MTMR11: variants seen among roughly 807,000 people sequenced by gnomAD.
The protein encoded by MTMR11 is myotubularin-related protein 11.
In MTMR11, 89 loss-of-function variants were observed where a neutral mutation model predicts 100.0. The observed-to-expected ratio is 0.89, with a 90% CI of 0.75 to 1.06. MTMR11 has a LOEUF of 1.06. Ranked by LOEUF, MTMR11 falls within the 50% of genes least tolerant of loss-of-function variation. The pLI is 0.00. For synonymous variants in MTMR11, 336 were observed against 326.3 expected (o/e 1.03, Z -0.32); for missense variants, 809 against 873.7 (o/e 0.93, Z 0.93).
rs2092617824 is a variant in MTMR11, at chr1:149,929,000, G to A, written c.*129C>T. 6.2e-7 allele frequency: 1 copy of A among 1,607,810 alleles called. No individual in the cohort carries two copies. On this transcript the variant is annotated 3_prime_UTR_variant, in exon 17 of 17. Transcript: ENST00000439741. ...TAGAAACTAAGCAAGACAAGAGTTG[G>A]AGCAGTTAACACCACTATCTGCAGC...
rs2092691302 is a variant in MTMR11 at position 149,933,850 on chromosome 1, C to T, written c.771+5G>A. ...CACAGCCATTACCCTAACCATCACA[C>T]TGACCGGTCCACGGCCCTGATGAAA... is the stretch of plus-strand genomic sequence containing the variant. On this transcript the variant is annotated splice_donor_5th_base_variant and intron_variant, in intron 8 of 16. Coordinates refer to ENST00000439741, the MANE Select transcript of MTMR11 (RefSeq NM_001145862.2). 1.2e-6 allele frequency: 2 copies of T among 1,613,974 alleles called. No individual in the cohort carries two copies. The highest frequency in any genetic ancestry group is 1.7e-6 in the Non-Finnish European group (2 of 1,179,806).
chr1:149,930,113 G>T, intron 15 of MTMR11, 197 bp from the exon 16 acceptor site: 1 of 709,284 alleles, frequency 1.4e-6, no homozygotes, highest in Non-Finnish European at 2.3e-6. Context: ...GTTGATTTTA[G>T]GGCACCTTAT....
Position 149,936,699 on chromosome 1 carries a change from A to T in MTMR11, c.-52T>A. ...CAGTTAAGGGTGGGAAACCTCAAGGATGCTCACCCACCTCGGGGAGAGGCT... is the reference window on the plus strand; with the variant it reads ...CAGTTAAGGGTGGGAAACCTCAAGGTTGCTCACCCACCTCGGGGAGAGGCT... On this transcript the variant is annotated 5_prime_UTR_variant, in exon 1 of 17. Transcript: ENST00000439741. 8.2e-7 allele frequency: 1 copy of T among 1,212,580 alleles called. No homozygotes were observed. Among genetic ancestry groups the T allele is most frequent in the South Asian group, 1.3e-5 (1 of 77,484 alleles). The allele number at this position is 1,212,580 out of a possible 1,614,324, so 75.1% of individuals were successfully genotyped here. A position where few individuals can be genotyped will look rare whatever the true frequency, so the allele number is the denominator to read the frequency against.
At position 149,929,758 on chromosome 1, in the gene MTMR11, C is replaced by G. The variant is rs372156835; in HGVS notation, c.1806G>C (p.Leu602=). ...LPRPAISSES[L]ADQEWGLPSH... ...AGGGGAGACCCCATTCCTGGTCAGC[C>G]AGGCTTTCAGAGGAGATAGCAGGTC... is the stretch of plus-strand genomic sequence containing the variant. The change falls in exon 16 of 17, where the codon CTG becomes CTC. Residue 602 remains leucine, a synonymous_variant. Transcript: ENST00000439741. 18 of 1,614,032 alleles carry G rather than the reference C, an allele frequency of 1.1e-5. No homozygotes were observed. Among genetic ancestry groups the G allele is most frequent in the Non-Finnish European group, 1.4e-5 (17 of 1,180,042 alleles).
Position 149,936,732 on chromosome 1 carries a change from G to C in MTMR11, c.-85C>G. On this transcript the variant is annotated 5_prime_UTR_variant, in exon 1 of 17. Coordinates refer to ENST00000439741, the MANE Select transcript of MTMR11 (RefSeq NM_001145862.2). ...CCACCTCGGGGAGAGGCTGAGTCTT[G>C]TTGAGAAGAGGGGTGTTAGGGAGAG... is the stretch of plus-strand genomic sequence containing the variant. The C allele has an allele frequency of 1.1e-6, 1 of 891,922 alleles. No homozygotes were observed. The highest frequency in any genetic ancestry group is 1.8e-6 in the Non-Finnish European group (1 of 550,052). 55.3% of individuals were successfully genotyped at this position (891,922 alleles called of 1,614,324 possible).
rs984608748 is a variant in MTMR11, at chr1:149,932,930, C to T, written c.985+476G>A. Among the ~76,000 whole-genome samples the T allele has an allele frequency of 7.4e-5, 11 of 148,644 alleles. 1 individual carries two copies. In the East Asian group the frequency reaches 1.0e-3, roughly 14 times the overall value. ...CACGCCACTGCACTCCAGCCTGGGC[C>T]ACAGAGGGAGACTCCGTCTCATCTG... On this transcript the variant is annotated intron_variant, in intron 10 of 16. Transcript: ENST00000439741.
chr1:149,930,697 C>T, intron 14 of MTMR11, 95 bp downstream of exon 14: 1 of 1,406,844 alleles, frequency 7.1e-7, no homozygotes, highest in South Asian at 1.4e-5. Context: ...TCCCCACTCA[C>T]AGACCTCACT....
At position 149,933,511 on chromosome 1, in the gene MTMR11, G is replaced by A. The variant is rs1553768148; in HGVS notation, c.880C>T (p.Gln294Ter). ...AGGACAACATCTGAATGCCCAGCCT[G>A]GAGCATCAACTCCACTGCTCTGGAG... is the stretch of plus-strand genomic sequence containing the variant. ...EDIRAVELML[Q>*]AGHSDVVLVD... The change falls in exon 10 of 17, where the codon CAG becomes TAG. Residue 294 changes from glutamine (Q) to a stop codon, truncating the protein, a stop_gained. Coordinates refer to ENST00000439741, the MANE Select transcript of MTMR11 (RefSeq NM_001145862.2). LOFTEE classifies it high-confidence loss of function. The A allele has an allele frequency of 1.2e-6, 2 of 1,614,062 alleles. No homozygotes were observed. The highest frequency in any genetic ancestry group is 2.2e-5 in the South Asian group (2 of 91,082).
Position 149,929,644 on chromosome 1 carries a change from C to A in MTMR11, c.1920G>T (p.Leu640=). Residue 640 remains leucine, a synonymous_variant, in exon 16 of 17, where the codon CTG becomes CTT. Coordinates refer to ENST00000439741, the MANE Select transcript of MTMR11 (RefSeq NM_001145862.2). The part of the protein sequence containing the change: ...PQIRLWRRCY[L]RGRPEVQMGL... Reference sequence around the variant, plus strand: ...TTACCTGGACCTCAGGCCTTCCCCTCAGGTAGCAGCGTCTCCAGAGCCTGA... The same window carrying A: ...TTACCTGGACCTCAGGCCTTCCCCTAAGGTAGCAGCGTCTCCAGAGCCTGA... The A allele has an allele frequency of 6.2e-7, 1 of 1,612,832 alleles. No homozygotes were observed. The highest frequency in any genetic ancestry group is 2.2e-5 in the East Asian group (1 of 44,888).
At position 149,934,624 on chromosome 1, in the gene MTMR11, TGAA is replaced by T. The variant is rs782129007; in HGVS notation, c.469-101_469-99del. 1.3e-4 allele frequency: 164 copies of T among 1,301,970 alleles called. 1 individual carries two copies. The highest frequency in any genetic ancestry group is 1.2e-3 in the East Asian group (49 of 41,022). The allele number at this position is 1,301,970 out of a possible 1,614,324, so 80.7% of individuals were successfully genotyped here. Reference sequence around the variant, plus strand: ...GTTGCTCCACTCTCTTTGCCAAGAATGAAGAAGAACAGTGAAGACAGTCCCTAG... The same window carrying T: ...GTTGCTCCACTCTCTTTGCCAAGAATGAAGAACAGTGAAGACAGTCCCTAG... On this transcript the variant is annotated intron_variant, in intron 5 of 16. Transcript: ENST00000439741.
At position 149,930,876 on chromosome 1, in the gene MTMR11, A is replaced by T. The variant is rs782711444; in HGVS notation, c.1380T>A (p.Leu460=). 2 of 1,613,554 alleles carry T rather than the reference A, an allele frequency of 1.2e-6. No homozygotes were observed. Among genetic ancestry groups the T allele is most frequent in the Non-Finnish European group, 1.7e-6 (2 of 1,179,770 alleles). The stretch of plus-strand genomic sequence containing the variant: ...GAACCCTGACACTGTCATGAAGAGC[A>T]AGAAGGAAAAACTCAGAGAATTCAA... ...ADFEFSEFFL[L]ALHDSVRVPD... Residue 460 remains leucine, a synonymous_variant, in exon 14 of 17, where the codon CTT becomes CTA. Coordinates refer to ENST00000439741, the MANE Select transcript of MTMR11 (RefSeq NM_001145862.2).
chr1:149,929,906 A>G lies in MTMR11; in HGVS notation c.1658T>C (p.Met553Thr), dbSNP rs1015830462. The change falls in exon 16 of 17, where the codon ATG becomes ACG. Residue 553 changes from methionine to threonine, a missense_variant. Met to Thr is a moderately conservative substitution (Grantham distance 81). Transcript: ENST00000439741. ...CACAGAACTGGGGGGTCCAGGAACC[A>G]TGAAGCTTGGCTAAAAGGAAAAGAA... The part of the protein sequence containing the change: ...SWLPRPQPSF[M>T]VPGPPSSVWL... 3 of 1,607,064 alleles carry G rather than the reference A, an allele frequency of 1.9e-6. No individual in the cohort carries two copies. Among genetic ancestry groups the G allele is most frequent in the Non-Finnish European group, 1.7e-6 (2 of 1,175,982 alleles).
chr1:149,935,282 A>AC lies in MTMR11; in HGVS notation c.325+16dup, dbSNP rs3214801. 23,187 of 1,489,628 alleles carry AC rather than the reference A, an allele frequency of 0.016. 51 individuals carry two copies. The highest frequency in any genetic ancestry group is 0.08 in the South Asian group (6,644 of 83,296). 92.3% of individuals were successfully genotyped at this position (1,489,628 alleles called of 1,614,324 possible). On this transcript the variant is annotated intron_variant, in intron 4 of 16. Coordinates refer to ENST00000439741, the MANE Select transcript of MTMR11 (RefSeq NM_001145862.2). Reference sequence around the variant, plus strand: ...CAACCCCAGTGAACCCCTTCACCAAACCCCCCCCCAACTTACCAGCCTCTA... The same window carrying AC: ...CAACCCCAGTGAACCCCTTCACCAAACCCCCCCCCCAACTTACCAGCCTCTA...
Position 149,933,512 on chromosome 1 carries a change from G to T in MTMR11, c.879C>A (p.Leu293=), listed in dbSNP as rs370521994. The change falls in exon 10 of 17, where the codon CTC becomes CTA. Residue 293 remains leucine (L), a synonymous_variant. Coordinates refer to ENST00000439741, the MANE Select transcript of MTMR11 (RefSeq NM_001145862.2). The stretch of plus-strand genomic sequence containing the variant: ...GGACAACATCTGAATGCCCAGCCTG[G>T]AGCATCAACTCCACTGCTCTGGAGG... ...KEDIRAVELM[L]QAGHSDVVLV... is the part of the protein sequence containing the mutation. 3 of 1,614,110 alleles carry T rather than the reference G, an allele frequency of 1.9e-6. No homozygotes were observed. Among genetic ancestry groups the T allele is most frequent in the Non-Finnish European group, 2.5e-6 (3 of 1,179,978 alleles).
Position 149,934,350 on chromosome 1 carries a change from G to A in MTMR11, c.548-24C>T, listed in dbSNP as rs1384309547. The A allele has an allele frequency of 4.3e-6, 7 of 1,613,812 alleles. No individual in the cohort carries two copies. The African/African-American group carries it at 6.7e-5, about 15-fold the overall frequency. On this transcript the variant is annotated intron_variant, in intron 6 of 16. Transcript: ENST00000439741. ...GCCTAGAACAGGAGTGAGACATAGA[G>A]GAGGAAGGAGAAAATCAGAGACAGC...
At chr1:149,936,129 T>C in intron 2 of MTMR11, 25 bp downstream of exon 2, 2 of 1,601,854 alleles carry the variant, frequency 1.2e-6, no homozygotes, top group Admixed American at 1.7e-5. Context: ...TTGGAAGTCT[T>C]TGGAGAGTGA....
At position 149,930,820 on chromosome 1, in the gene MTMR11, G is replaced by T. The variant is rs782469445; in HGVS notation, c.1436C>A (p.Pro479His). The change falls in exon 14 of 17, where the codon CCC (proline) becomes CAC (histidine). Residue 479 changes from proline to histidine, a missense_variant. Pro to His is a moderately conservative substitution (Grantham distance 77). Transcript: ENST00000439741. ...PDTLTFLRNT[P>H]WERGKQSGQL... Reference sequence around the variant, plus strand: ...TCCGCTCTGCTTTCCGCGCTCCCAGGGGGTATTTCTCAGGAAGGTAAGGGT... The same window carrying T: ...TCCGCTCTGCTTTCCGCGCTCCCAGTGGGTATTTCTCAGGAAGGTAAGGGT... 1.8e-5 allele frequency: 28 copies of T among 1,591,728 alleles called. No homozygotes were observed. The highest frequency in any genetic ancestry group is 1.0e-4 in the South Asian group (9 of 87,242).
At chr1:149,933,794 C>T (rs1159062350) in intron 8 of MTMR11, 61 bp downstream of exon 8, 55 of 1,606,458 alleles carry the variant, frequency 3.4e-5, no homozygotes, top group Non-Finnish European at 4.3e-5. Flanking sequence ...CCTCCCTCCA[C>T]GATGTCCCTG....
chr1:149,929,945 CAG>C (rs782568910), intron 15 of MTMR11, 29 bp from the exon 16 acceptor site: 6 of 1,590,930 alleles, frequency 3.8e-6, no homozygotes, highest in Non-Finnish European at 4.3e-6. Context: ...CAACTGGCAA[CAG>C]AGAGACCAGA....
Sources: gnomAD v4.1 joint callset for allele counts (sites outside exome capture counted in the v4.1 genomes callset) on GRCh38, gnomAD v4.1.1 for gene constraint, MANE v1.5 for transcripts, NCBI Gene and HGNC (gene_info 2026-07-23, HGNC 2026-07-21) for gene names.